Variants in PKP4 observed in about 807,000 individuals in gnomAD.
PKP4 encodes the protein plakophilin 4.
Under a neutral mutation model 145.1 loss-of-function variants are expected in PKP4, and 90 were observed. That is an observed-to-expected ratio of 0.62 (90% CI 0.52 to 0.74). The LOEUF is 0.74. PKP4 is among the 30% of genes least tolerant of loss of function. The pLI is 0.00. For synonymous variants in PKP4, 563 were observed against 577.2 expected (o/e 0.98, Z 0.35); for missense variants, 1,340 against 1,482.7 (o/e 0.90, Z 1.58).
Position 158,631,842 on chromosome 2 carries a change from T to C in PKP4, c.1243T>C (p.Tyr415His), listed in dbSNP as rs1183891667. The C allele has an allele frequency of 1.2e-6, 2 of 1,613,956 alleles. No individual in the cohort carries two copies. The highest frequency in any genetic ancestry group is 2.7e-5 in the African/African-American group (2 of 74,900). ...TCCCGACTTGCACATTACTCCTATA[T>C]ATGAGGGGAGGACCTATTACAGCCC... is the stretch of plus-strand genomic sequence containing the variant. Reference protein sequence around the residue: ...VSPDLHITPIYEGRTYYSPVY... With the variant: ...VSPDLHITPIHEGRTYYSPVY... The change falls in exon 8 of 22, where the codon TAT becomes CAT. Residue 415 changes from tyrosine (Y) to histidine (H), a missense_variant. By Grantham distance (83) the Tyr-to-His change is moderately conservative. Transcript: ENST00000389759.
intron 15 of PKP4, among the ~76,000 whole-genome samples, chr2:158,664,020 C>T (rs1301874769): frequency 6.6e-6 from 1 of 152,184 alleles, no homozygotes; most frequent in African/African-American, 2.4e-5. Flanking sequence ...GCCTGAAGGC[C>T]AAACTTCAGG....
chr2:158,550,255 T>C (rs1338064683), intron 2 of PKP4, among the ~76,000 whole-genome samples: 1 of 152,198 alleles, frequency 6.6e-6, no homozygotes, highest in Non-Finnish European at 1.5e-5. Context: ...TTGCCAGAGT[T>C]GTAAGAATGT....
Position 158,658,234 on chromosome 2 carries a change from G to T in PKP4, c.2013G>T (p.Trp671Cys). The T allele has an allele frequency of 6.2e-7, 1 of 1,601,230 alleles. No individual in the cohort carries two copies. Among genetic ancestry groups the T allele is most frequent in the Non-Finnish European group, 8.6e-7 (1 of 1,168,870 alleles). Residue 671 changes from tryptophan (W) to cysteine (C), a missense_variant, in exon 12 of 22, where the codon TGG (tryptophan) becomes TGT (cysteine). By Grantham distance (215) the Trp-to-Cys change is radical. Coordinates refer to ENST00000389759, the MANE Select transcript of PKP4 (RefSeq NM_003628.6). Reference sequence around the variant, plus strand: ...CTGTGATTGTTCCACATTCTGGATGGAATAACTCTTCTTTTGATGATGATC... The same window carrying T: ...CTGTGATTGTTCCACATTCTGGATGTAATAACTCTTCTTTTGATGATGATC... Reference protein sequence around the residue: ...TNTVIVPHSGWNNSSFDDDHK... With the variant: ...TNTVIVPHSGCNNSSFDDDHK...
At chr2:158,554,659 T>C (rs1426878993) in intron 2 of PKP4, among the ~76,000 whole-genome samples, 13 of 152,122 alleles carry the variant, frequency 8.5e-5, no homozygotes, top group Admixed American at 8.5e-4. Context: ...TCTCCTGACC[T>C]CGTGATCCGC....
intron 1 of PKP4, among the ~76,000 whole-genome samples, chr2:158,530,094 C>T (rs139889141): frequency 6.6e-6 from 1 of 152,156 alleles, no homozygotes; most frequent in Non-Finnish European, 1.5e-5. Context: ...TAATATCATA[C>T]ACGCCCCACT....
At chr2:158,569,721 C>T (rs1295152189) in intron 2 of PKP4, among the ~76,000 whole-genome samples, 1 of 151,944 alleles carries the variant, frequency 6.6e-6, no homozygotes, top group African/African-American at 2.4e-5. Flanking sequence ...AATAGTTGTT[C>T]TTTGCAAAAG....
intron 3 of PKP4, among the ~76,000 whole-genome samples, chr2:158,587,714 C>T (rs1158666238): frequency 6.6e-6 from 1 of 151,804 alleles, no homozygotes; most frequent in Non-Finnish European, 1.5e-5. Flanking sequence ...TACTCACATC[C>T]TGTAATTAAA....
chr2:158,628,027 C>G (rs1364717069), intron 7 of PKP4, among the ~76,000 whole-genome samples: 3 of 151,656 alleles, frequency 2.0e-5, no homozygotes, highest in Admixed American at 1.3e-4. Context: ...TGTCACCAGG[C>G]TGGAGTACAG....
At chr2:158,624,806 A>G (rs569145587) in intron 6 of PKP4, 72 bp from the exon 7 acceptor site, 3 of 1,209,328 alleles carry the variant, frequency 2.5e-6, no homozygotes, top group Admixed American at 2.3e-5. Context: ...AGCTATGTGT[A>G]TTTCTTTTGT....
At chr2:158,560,809 C>G (rs2105735719) in intron 2 of PKP4, among the ~76,000 whole-genome samples, 1 of 152,302 alleles carries the variant, frequency 6.6e-6, no homozygotes, top group Non-Finnish European at 1.5e-5. Flanking sequence ...AGTGATTAAA[C>G]TGGGGTTTAC....
At chr2:158,529,330 A>C (rs1487833219) in intron 1 of PKP4, among the ~76,000 whole-genome samples, 2 of 152,228 alleles carry the variant, frequency 1.3e-5, no homozygotes, top group African/African-American at 4.8e-5. Context: ...CTGCCTGTCA[A>C]CATTGGATTT....
At chr2:158,485,423 T>G (rs1436986168) in intron 1 of PKP4, among the ~76,000 whole-genome samples, 1 of 152,210 alleles carries the variant, frequency 6.6e-6, no homozygotes, top group Non-Finnish European at 1.5e-5. Flanking sequence ...AGACCCACGT[T>G]ACTATCTGAG....
At position 158,586,059 on chromosome 2, in the gene PKP4, A is replaced by C. The variant is rs192440254; in HGVS notation, c.245+8676A>C. Among the ~76,000 whole-genome samples the C allele has an allele frequency of 2.5e-3, 385 of 152,254 alleles. 2 individuals are homozygous for C. The highest frequency in any genetic ancestry group is 9.0e-3 in the African/African-American group (374 of 41,548). ...TTGTGTCTGGCATTTTTCACTTTGC[A>C]TGAAATTTTCAAGGTTCCTCCATGT... On this transcript the variant is annotated intron_variant, in intron 3 of 21. Coordinates refer to ENST00000389759, the MANE Select transcript of PKP4 (RefSeq NM_003628.6).
At chr2:158,457,844 G>C (rs935733064) in intron 1 of PKP4, 1 of 153,408 alleles carries the variant, frequency 6.5e-6, no homozygotes, top group Non-Finnish European at 1.4e-5. Flanking sequence ...GGATCCTCAC[G>C]CTCCACCCCT....
chr2:158,656,110 A>G (rs1379137177), intron 11 of PKP4, among the ~76,000 whole-genome samples: 3 of 152,198 alleles, frequency 2.0e-5, no homozygotes, highest in Non-Finnish European at 4.4e-5. Flanking sequence ...TTGAGCATAG[A>G]TAATATGAAG....
At chr2:158,549,149 G>T in intron 2 of PKP4, 1 of 200,150 alleles carries the variant, frequency 5.0e-6, no homozygotes. Context: ...GCAGTGTCCT[G>T]GGTTCCAAGT....
chr2:158,463,763 A>G (rs959951556), intron 1 of PKP4, among the ~76,000 whole-genome samples: 1 of 152,178 alleles, frequency 6.6e-6, no homozygotes, highest in Non-Finnish European at 1.5e-5. Flanking sequence ...GATTTATGAC[A>G]ATTTACCCTC....
chr2:158,513,246 G>A (rs780823261), intron 1 of PKP4, among the ~76,000 whole-genome samples: 14 of 152,108 alleles, frequency 9.2e-5, no homozygotes, highest in South Asian at 8.3e-4. Flanking sequence ...ACCCATTTCC[G>A]GTCTTATCCT....
At chr2:158,532,159 G>T (rs2043610935) in intron 1 of PKP4, among the ~76,000 whole-genome samples, 1 of 152,196 alleles carries the variant, frequency 6.6e-6, no homozygotes, top group African/African-American at 2.4e-5. Flanking sequence ...GAAGTTAATT[G>T]ATTATAAATG....
Sources: gnomAD v4.1 joint callset for allele counts (sites outside exome capture counted in the v4.1 genomes callset) on GRCh38, gnomAD v4.1.1 for gene constraint, MANE v1.5 for transcripts, NCBI Gene and HGNC (gene_info 2026-07-23, HGNC 2026-07-21) for gene names.